Variants in ARHGEF28 observed in about 807,000 individuals in gnomAD.
The protein encoded by ARHGEF28 is Rho guanine nucleotide exchange factor 28.
ARHGEF28 carries 152 observed loss-of-function variants against 206.6 expected under a neutral mutation model. The observed-to-expected ratio is 0.74, with a 90% CI of 0.64 to 0.84. The LOEUF (loss-of-function observed/expected upper bound fraction) is 0.84. Ranked by LOEUF, ARHGEF28 falls within the 40% of genes least tolerant of loss-of-function variation. The pLI, the probability that ARHGEF28 is intolerant of heterozygous loss-of-function variation, is 0.00. For synonymous variants in ARHGEF28, 763 were observed against 776.4 expected (o/e 0.98, Z 0.29); for missense variants, 2,028 against 2,073.2 (o/e 0.98, Z 0.42).
chr5:73,904,852 A>T (rs961810267), intron 33 of ARHGEF28: 1 of 163,808 alleles, frequency 6.1e-6, no homozygotes, highest in Admixed American at 5.9e-5. Flanking sequence ...TAATTTATTA[A>T]TGTTGAGGGG....
chr5:73,939,425 G>T (rs188767212), intron 35 of ARHGEF28, among the ~76,000 whole-genome samples: 38 of 152,304 alleles, frequency 2.5e-4, no homozygotes, highest in Admixed American at 1.8e-3. Context: ...CATCTAAAGG[G>T]TCAGGGATGG....
chr5:73,740,060 C>T (rs577847653), intron 2 of ARHGEF28, among the ~76,000 whole-genome samples: 2 of 148,422 alleles, frequency 1.3e-5, no homozygotes, highest in Admixed American at 6.7e-5. Flanking sequence ...GCCTGCAGTC[C>T]TAGCTACTTA....
intron 9 of ARHGEF28, among the ~76,000 whole-genome samples, chr5:73,819,539 G>T (rs1179081302): frequency 1.3e-5 from 2 of 152,182 alleles, no homozygotes; most frequent in African/African-American, 4.8e-5. Flanking sequence ...GGATGGCAGT[G>T]TCTTCTTTCT....
chr5:73,925,888 TCTGAATAAAG>T (rs1178731401), intron 35 of ARHGEF28, among the ~76,000 whole-genome samples: 1 of 152,226 alleles, frequency 6.6e-6, no homozygotes, highest in African/African-American at 2.4e-5. Context: ...TTTTGGCCAG[TCTGAATAAAG>T]CTGCTATAAA....
At chr5:73,731,894 A>C (rs1481941341) in intron 2 of ARHGEF28, among the ~76,000 whole-genome samples, 1 of 152,134 alleles carries the variant, frequency 6.6e-6, no homozygotes, top group Non-Finnish European at 1.5e-5. Flanking sequence ...GTAGAAGTAC[A>C]TCTAGCACTA....
At chr5:73,666,536 T>C (rs1745970342) in intron 1 of ARHGEF28, among the ~76,000 whole-genome samples, 1 of 152,248 alleles carries the variant, frequency 6.6e-6, no homozygotes, top group Non-Finnish European at 1.5e-5. Context: ...AGGTGGATGC[T>C]GCTGTGGCCC....
intron 35 of ARHGEF28, among the ~76,000 whole-genome samples, chr5:73,917,517 T>C (rs1763277524): frequency 6.6e-6 from 1 of 152,226 alleles, no homozygotes; most frequent in Admixed American, 6.5e-5. Context: ...TACTGCCAAC[T>C]TCCTGATTGC....
At chr5:73,724,719 C>T (rs1025793644) in intron 2 of ARHGEF28, among the ~76,000 whole-genome samples, 2 of 152,152 alleles carry the variant, frequency 1.3e-5, no homozygotes, top group African/African-American at 2.4e-5. Context: ...TTCATCCATT[C>T]GTTTCATGTT....
intron 1 of ARHGEF28, among the ~76,000 whole-genome samples, chr5:73,639,456 G>A (rs555107831): frequency 3.8e-4 from 58 of 151,842 alleles, no homozygotes; most frequent in African/African-American, 1.4e-3. Context: ...AAAAATGTGT[G>A]TATGTATACA....
In ARHGEF28 at chr5:73,656,925, C is replaced by G. The variant is rs548590779; in HGVS notation, c.-11-27916C>G. Reference sequence around the variant, plus strand: ...GTGGCTCATGCCTGTAATCTTAGCACTTTGGGAGGCCGAGGTGGGTGGATC... The same window carrying G: ...GTGGCTCATGCCTGTAATCTTAGCAGTTTGGGAGGCCGAGGTGGGTGGATC... On this transcript the variant is annotated intron_variant, in intron 1 of 35. Coordinates refer to ENST00000513042, the MANE Select transcript of ARHGEF28 (RefSeq NM_001177693.2). 1.9e-3 allele frequency among the ~76,000 whole-genome samples: 282 copies of G among 152,158 alleles called. 2 individuals carry two copies. Among genetic ancestry groups the G allele is most frequent in the African/African-American group, 6.6e-3 (272 of 41,516 alleles).
chr5:73,687,627 AC>A (rs1462646941), intron 2 of ARHGEF28, among the ~76,000 whole-genome samples: 1 of 152,042 alleles, frequency 6.6e-6, no homozygotes, highest in African/African-American at 2.4e-5. Context: ...TTGGGGAAGA[AC>A]CTGCTCTCTG....
At chr5:73,921,668 T>C (rs1426672652) in intron 35 of ARHGEF28, among the ~76,000 whole-genome samples, 1 of 152,210 alleles carries the variant, frequency 6.6e-6, no homozygotes, top group African/African-American at 2.4e-5. Context: ...TGTACAAGTT[T>C]TATTACACTA....
intron 4 of ARHGEF28, among the ~76,000 whole-genome samples, chr5:73,758,029 C>T (rs1284169915): frequency 6.6e-6 from 1 of 152,154 alleles, no homozygotes; most frequent in East Asian, 1.9e-4. Context: ...GCCCCCTCGA[C>T]CTTCCTGCTC....
intron 8 of ARHGEF28, 50 bp downstream of exon 8, chr5:73,794,504 G>T (rs1381975482): frequency 2.1e-6 from 3 of 1,432,650 alleles, no homozygotes; most frequent in Non-Finnish European, 9.6e-7. Flanking sequence ...CCATAAAGTA[G>T]AAATGAAGAT....
At chr5:73,930,757 C>T (rs1764069172) in intron 35 of ARHGEF28, among the ~76,000 whole-genome samples, 1 of 152,158 alleles carries the variant, frequency 6.6e-6, no homozygotes, top group Non-Finnish European at 1.5e-5. Flanking sequence ...AGCTCCTATG[C>T]CTCTCTCAAC....
intron 9 of ARHGEF28, among the ~76,000 whole-genome samples, chr5:73,800,338 T>C (rs1561412876): frequency 6.6e-6 from 1 of 152,234 alleles, no homozygotes; most frequent in Non-Finnish European, 1.5e-5. Flanking sequence ...GGATTACTTC[T>C]ATAAGACGAA....
At chr5:73,629,519 AAAATT>A (rs1321618495) in intron 1 of ARHGEF28, among the ~76,000 whole-genome samples, 1 of 151,882 alleles carries the variant, frequency 6.6e-6, no homozygotes, top group Non-Finnish European at 1.5e-5. Context: ...AAAAAAAAAA[AAAATT>A]AAAGACATTT....
At chr5:73,767,971 G>A (rs1324679508) in intron 4 of ARHGEF28, among the ~76,000 whole-genome samples, 1 of 152,142 alleles carries the variant, frequency 6.6e-6, no homozygotes, top group East Asian at 1.9e-4. Flanking sequence ...AGCCGTAGCT[G>A]AAAGGAACCA....
rs1742602145 is a variant in ARHGEF28 at position 73,941,275 on chromosome 5, A to G, written c.*262A>G. 5.2e-6 allele frequency: 1 copy of G among 191,028 alleles called. No homozygotes were observed. Among genetic ancestry groups the G allele is most frequent in the African/African-American group, 2.3e-5 (1 of 42,798 alleles). The allele number at this position is 191,028 out of a possible 1,614,324, so 11.8% of individuals were successfully genotyped here. ...CTTGAATAAGCAGGACTATTTTAAA[A>G]GTTGTTTTGACGCTAGAGTAAAATT... On this transcript the variant is annotated 3_prime_UTR_variant, in exon 36 of 36. Coordinates refer to ENST00000513042, the MANE Select transcript of ARHGEF28 (RefSeq NM_001177693.2).
Sources: allele counts gnomAD v4.1 joint callset (sites outside exome capture counted in the v4.1 genomes callset), GRCh38; gene constraint gnomAD v4.1.1; transcripts MANE v1.5; gene names NCBI Gene and HGNC (gene_info 2026-07-23, HGNC 2026-07-21).